The following KDM5A variants were observed in gnomAD, a reference collection of about 807,000 sequenced individuals.
KDM5A encodes lysine demethylase 5A.
In KDM5A, 42 loss-of-function variants were observed where a neutral mutation model predicts 193.5. The observed-to-expected ratio is 0.22, with a 90% CI of 0.17 to 0.28. The LOEUF (loss-of-function observed/expected upper bound fraction) is 0.28, where lower values mean the gene tolerates loss of function less well. Ranked by LOEUF, KDM5A falls within the 10% of genes least tolerant of loss-of-function variation. KDM5A has a pLI of 1.00. For missense variants in KDM5A, 1,692 were observed against 2,055.1 expected (o/e 0.82, Z 3.42); for synonymous variants, 796 against 718.1 (o/e 1.11, Z -1.73).
intron 16 of KDM5A, 94 bp downstream of exon 16, chr12:322,988 T>G: frequency 1.3e-6 from 2 of 1,532,036 alleles, no homozygotes; most frequent in Non-Finnish European, 1.8e-6. Context: ...CTAGGATTTT[T>G]CTTTTACGGA....
rs773378372 is a variant in KDM5A, at chr12:313,077, G to T, written c.3015C>A (p.Thr1005=). Residue 1005 remains threonine (T), a synonymous_variant, in exon 20 of 28, where the codon ACC becomes ACA. Transcript: ENST00000399788. Reference sequence around the variant, plus strand: ...TTACCTGAATAGCTTCCACTTTAGCGGTCCATTCTCGAGCCTTTTGTAAGG... The same window carrying T: ...TTACCTGAATAGCTTCCACTTTAGCTGTCCATTCTCGAGCCTTTTGTAAGG... The part of the protein sequence containing the change: ...KEALQKAREW[T]AKVEAIQSGS... The T allele has an allele frequency of 7.4e-6, 12 of 1,614,042 alleles. No individual in the cohort carries two copies. In the Admixed American group the frequency reaches 2.0e-4, roughly 27 times the overall value.
intron 24 of KDM5A, 66 bp downstream of exon 24, chr12:306,880 C>CTT (rs35042439): frequency 2.5e-3 from 3,246 of 1,291,376 alleles, no homozygotes; most frequent in Non-Finnish European, 2.7e-3. Flanking sequence ...TGTTCAATAG[C>CTT]TTTTTTTTTT....
chr12:388,842 C>A, intron 1 of KDM5A, 85 bp downstream of exon 1: 1 of 1,465,748 alleles, frequency 6.8e-7, no homozygotes, highest in Non-Finnish European at 9.6e-7. Context: ...TGAAACGAGA[C>A]AAGGATCAGA....
intron 24 of KDM5A, among the ~76,000 whole-genome samples, chr12:306,300 T>TACA (rs1943506314): frequency 6.6e-6 from 1 of 152,124 alleles, no homozygotes; most frequent in East Asian, 1.9e-4. Flanking sequence ...AAAACTTAAC[T>TACA]GTATACAGAC....
chr12:366,900 A>G (rs1944363220), intron 3 of KDM5A, among the ~76,000 whole-genome samples: 1 of 152,192 alleles, frequency 6.6e-6, no homozygotes, highest in Non-Finnish European at 1.5e-5. Flanking sequence ...AGATTATAAT[A>G]CCATATTCTT....
At chr12:287,449 T>C (rs1213990812) in intron 27 of KDM5A, among the ~76,000 whole-genome samples, 1 of 127,320 alleles carries the variant, frequency 7.9e-6, no homozygotes, top group Non-Finnish European at 1.7e-5. Flanking sequence ...GTCTGTGCAA[T>C]AAAAAAACTC....
At chr12:323,027 C>T in intron 16 of KDM5A, 55 bp downstream of exon 16, 5 of 1,608,306 alleles carry the variant, frequency 3.1e-6, no homozygotes, top group Non-Finnish European at 3.4e-6. Flanking sequence ...AAAACAAAGC[C>T]TCTTTTAAAG....
chr12:337,905 A>ATCTC (rs1943953865), intron 10 of KDM5A, among the ~76,000 whole-genome samples: 1 of 152,116 alleles, frequency 6.6e-6, no homozygotes, highest in African/African-American at 2.4e-5. Flanking sequence ...GACCTCCCAA[A>ATCTC]GTGCTGAGAT....
At chr12:355,289 G>T in intron 6 of KDM5A, 40 bp from the exon 7 acceptor site, 1 of 1,097,616 alleles carries the variant, frequency 9.1e-7, no homozygotes, top group Non-Finnish European at 1.4e-6. Context: ...AAAAACCAAT[G>T]TTGAGAGCTT....
Position 336,030 on chromosome 12 carries a change from C to T in KDM5A, c.1309-1608G>A, listed in dbSNP as rs1310854295. ...TGCACTCCAGTCTGGGCAACAAGAG[C>T]GATACTTCATCTCAAAAAAAAAAAA... On this transcript the variant is annotated intron_variant, in intron 10 of 27. Coordinates refer to ENST00000399788, the MANE Select transcript of KDM5A (RefSeq NM_001042603.3). 1.8e-4 allele frequency among the ~76,000 whole-genome samples: 20 copies of T among 110,874 alleles called. No individual in the cohort carries two copies. In the Admixed American group the frequency reaches 2.2e-3, roughly 12 times the overall value. 72.7% of individuals were successfully genotyped at this position (110,874 alleles called of 152,430 possible).
intron 14 of KDM5A, among the ~76,000 whole-genome samples, chr12:327,815 C>T (rs190056753): frequency 2.1e-3 from 327 of 152,324 alleles, no homozygotes; most frequent in African/African-American, 7.4e-3. Flanking sequence ...GAGTTTGAGA[C>T]CAGCCTAGGT....
chr12:365,834 A>G, intron 4 of KDM5A, 100 bp downstream of exon 4: 1 of 1,157,302 alleles, frequency 8.6e-7, no homozygotes, highest in East Asian at 2.3e-5. Context: ...TTGCTTCCCC[A>G]AATTTTGGTG....
chr12:389,097 C>T lies in KDM5A; in HGVS notation c.-6G>A, dbSNP rs1464279660. The T allele has an allele frequency of 2.9e-6, 4 of 1,370,606 alleles. No individual in the cohort carries two copies. The South Asian group carries it at 4.9e-5, about 17-fold the overall frequency. 84.9% of individuals were successfully genotyped at this position (1,370,606 alleles called of 1,614,324 possible). On this transcript the variant is annotated 5_prime_UTR_variant, in exon 1 of 28. Coordinates refer to ENST00000399788, the MANE Select transcript of KDM5A (RefSeq NM_001042603.3). The stretch of plus-strand genomic sequence containing the variant: ...CCCGGCCCCACGCCCGCCATTGCAA[C>T]GGCCGGGGGGGGGGGGGGGTCCCCG...
intron 3 of KDM5A, among the ~76,000 whole-genome samples, chr12:375,224 A>AG (rs1474913172): frequency 2.6e-5 from 4 of 152,228 alleles, no homozygotes; most frequent in Non-Finnish European, 1.5e-5. Context: ...AATCAGACAC[A>AG]GACTTGGTCT....
chr12:314,065 A>G (rs960412735), intron 19 of KDM5A, among the ~76,000 whole-genome samples: 1 of 152,088 alleles, frequency 6.6e-6, no homozygotes, highest in African/African-American at 2.4e-5. Context: ...AGAGCCATGG[A>G]CTTCATCATG....
At chr12:370,800 G>A (rs1027245671) in intron 3 of KDM5A, among the ~76,000 whole-genome samples, 2 of 152,130 alleles carry the variant, frequency 1.3e-5, no homozygotes, top group Non-Finnish European at 2.9e-5. Flanking sequence ...GGTGTGTGAT[G>A]TTCACCTTCC....
At chr12:326,013 C>CA (rs940289538) in intron 14 of KDM5A, among the ~76,000 whole-genome samples, 13 of 152,024 alleles carry the variant, frequency 8.6e-5, no homozygotes, top group African/African-American at 2.2e-4. Flanking sequence ...GATTCCATCT[C>CA]AAAAAAATAA....
At chr12:348,716 T>C (rs1488539319) in intron 10 of KDM5A, among the ~76,000 whole-genome samples, 2 of 150,536 alleles carry the variant, frequency 1.3e-5, no homozygotes, top group Admixed American at 1.3e-4. Flanking sequence ...AACAATGAGA[T>C]CACTTGAACA....
Position 354,161 on chromosome 12 carries a change from T to C in KDM5A, c.944A>G (p.Asp315Gly), listed in dbSNP as rs1944199534. 6.2e-7 allele frequency: 1 copy of C among 1,611,556 alleles called. No homozygotes were observed. Among genetic ancestry groups the C allele is most frequent in the African/African-American group, 1.3e-5 (1 of 74,822 alleles). ...TAGACAAAATGTATGATAGCTGTCA[T>C]CACATCCATCACACAAAAGCAATTT... ...EDKLLLCDGC[D>G]DSYHTFCLIP... is the part of the protein sequence containing the mutation. The change falls in exon 8 of 28, where the codon GAT becomes GGT. Residue 315 changes from aspartate (D) to glycine (G), a missense_variant. This residue lies in a region of KDM5A where 62 missense variants were observed against 107.1 expected (regional missense o/e 0.58). Transcript: ENST00000399788.
Sources: gnomAD v4.1 joint callset for allele counts (sites outside exome capture counted in the v4.1 genomes callset) on GRCh38, gnomAD v4.1.1 for gene constraint, gnomAD v4.1.1 regional missense constraint, MANE v1.5 for transcripts, NCBI Gene and HGNC (gene_info 2026-07-23, HGNC 2026-07-21) for gene names.